Variants in FAM131C observed in about 807,000 individuals in gnomAD.
FAM131C encodes the protein protein FAM131C.
Under a neutral mutation model 29.8 loss-of-function variants are expected in FAM131C, and 14 were observed. The ratio of observed to expected loss-of-function variants is 0.47; its 90% CI spans 0.31 to 0.73. FAM131C has a LOEUF of 0.73. Among genes scored for constraint, FAM131C ranks in the 30% least tolerant of loss-of-function variants. The pLI, the probability that FAM131C is intolerant of heterozygous loss-of-function variation, is 0.05. For missense variants in FAM131C, 252 were observed against 383.8 expected, an observed-to-expected ratio of 0.66 and a Z score of 2.87; for synonymous variants, 86 against 157.8, an observed-to-expected ratio of 0.54 and a Z score of 3.41.
At position 16,062,505 on chromosome 1, in the gene FAM131C, A is replaced by G. The variant is rs547617337; in HGVS notation, c.168T>C (p.Pro56=). The G allele has an allele frequency of 5.7e-6, 9 of 1,583,902 alleles. No homozygotes were observed. In the South Asian group the frequency reaches 9.2e-5, roughly 16 times the overall value. ...GACACACAAGTGCACTGACCTGCCA[A>G]GGATCCCAACAGAAATCCATCTGTT... is the stretch of plus-strand genomic sequence containing the variant. The part of the protein sequence containing the change: ...KDKQMDFCWD[P]WQRCFQTTNG... Residue 56 remains proline (P), a synonymous_variant, in exon 3 of 7, where the codon CCT becomes CCC. Coordinates refer to ENST00000375662, the MANE Select transcript of FAM131C (RefSeq NM_182623.3).
rs374943695 is a variant in FAM131C, at chr1:16,059,926, C to T, written c.394G>A (p.Glu132Lys). ...GGGAGGCAGCAGTAATGCTCGTCCT[C>T]AGCTGGGGACAGCTCCCAGCCTGCC... is the stretch of plus-strand genomic sequence containing the variant. ...QPAGWELSPAEDEHYCCLPDE... is the reference protein window; with the variant it reads ...QPAGWELSPAKDEHYCCLPDE... The change falls in exon 5 of 7, where the codon GAG becomes AAG. Residue 132 changes from glutamate (E) to lysine (K), a missense_variant. Glu to Lys is a moderately conservative substitution (Grantham distance 56, BLOSUM62 1). This residue lies in a region of FAM131C where 38 missense variants were observed against 32.7 expected (regional missense o/e 1.16). Transcript: ENST00000375662. 90 of 1,539,720 alleles carry T rather than the reference C, an allele frequency of 5.8e-5. No homozygotes were observed. In the African/African-American group the frequency reaches 1.2e-3, roughly 21 times the overall value.
At chr1:16,065,573 T>C (rs1203836810) in intron 1 of FAM131C, among the ~76,000 whole-genome samples, 1 of 152,206 alleles carries the variant, frequency 6.6e-6, no homozygotes, top group Non-Finnish European at 1.5e-5. Context: ...TGTGGCTCTT[T>C]CTACAGGGGC....
In FAM131C at chr1:16,063,522, T is replaced by C. The variant is rs1349205439; in HGVS notation, c.137A>G (p.Lys46Arg). The C allele has an allele frequency of 6.2e-7, 1 of 1,612,334 alleles. No individual in the cohort carries two copies. The highest frequency in any genetic ancestry group is 1.7e-5 in the Admixed American group (1 of 59,988). The change falls in exon 2 of 7, where the codon AAG becomes AGG. Residue 46 changes from lysine (K) to arginine (R), a missense_variant and splice_region_variant. This residue lies in a region of FAM131C where 76 missense variants were observed against 62.8 expected (regional missense o/e 1.21). Coordinates refer to ENST00000375662, the MANE Select transcript of FAM131C (RefSeq NM_182623.3). Reference sequence around the variant, plus strand: ...CAGGGATGAGGAGCAGCCAGTTACCTTGCCAATGACACAGTCTGGAGCCAC... The same window carrying C: ...CAGGGATGAGGAGCAGCCAGTTACCCTGCCAATGACACAGTCTGGAGCCAC... ...PTVAPDCVIG[K>R]DKQMDFCWDP...
At chr1:16,068,995 A>G (rs79146102) in intron 1 of FAM131C, among the ~76,000 whole-genome samples, 2,291 of 152,274 alleles carry the variant, frequency 0.015, 43 homozygotes, top group African/African-American at 0.052. Flanking sequence ...TGTCTGTCCT[A>G]GGCCTGTTCA....
rs779648458 is a variant in FAM131C at position 16,063,523 on chromosome 1, T to C, written c.136A>G (p.Lys46Glu). The C allele has an allele frequency of 1.9e-5, 30 of 1,612,390 alleles. No homozygotes were observed. Among genetic ancestry groups the C allele is most frequent in the Non-Finnish European group, 2.5e-5 (29 of 1,178,764 alleles). ...AGGGATGAGGAGCAGCCAGTTACCTTGCCAATGACACAGTCTGGAGCCACG... is the reference window on the plus strand; with the variant it reads ...AGGGATGAGGAGCAGCCAGTTACCTCGCCAATGACACAGTCTGGAGCCACG... ...PTVAPDCVIGKDKQMDFCWDP... is the reference protein window; with the variant it reads ...PTVAPDCVIGEDKQMDFCWDP... Residue 46 changes from lysine to glutamate, a missense_variant and splice_region_variant, in exon 2 of 7, where the codon AAG becomes GAG. Around this residue, in one of 6 missense-constraint regions of FAM131C, gnomAD observed 76 missense variants for 62.8 expected, o/e 1.21. Coordinates refer to ENST00000375662, the MANE Select transcript of FAM131C (RefSeq NM_182623.3).
At position 16,059,939 on chromosome 1, in the gene FAM131C, C is replaced by A; in HGVS notation, c.381G>T (p.Glu127Asp). The A allele has an allele frequency of 6.4e-7, 1 of 1,568,250 alleles. No homozygotes were observed. The highest frequency in any genetic ancestry group is 8.6e-7 in the Non-Finnish European group (1 of 1,158,364). The change falls in exon 5 of 7, where the codon GAG becomes GAT. Residue 127 changes from glutamate to aspartate, a missense_variant. Coordinates refer to ENST00000375662, the MANE Select transcript of FAM131C (RefSeq NM_182623.3). ...KGWSAQPAGW[E>D]LSPAEDEHYC... ...AATGCTCGTCCTCAGCTGGGGACAGCTCCCAGCCTGCCGGCTGGGCACTCC... is the reference window on the plus strand; with the variant it reads ...AATGCTCGTCCTCAGCTGGGGACAGATCCCAGCCTGCCGGCTGGGCACTCC...
chr1:16,059,618 G>A lies in FAM131C; in HGVS notation c.452-14C>T, dbSNP rs763578435. 6.3e-6 allele frequency: 10 copies of A among 1,579,478 alleles called. No homozygotes were observed. Among genetic ancestry groups the A allele is most frequent in the South Asian group, 3.4e-5 (3 of 87,796 alleles). On this transcript the variant is annotated splice_polypyrimidine_tract_variant and intron_variant, in intron 5 of 6. Transcript: ENST00000375662. ...GCTCGGCGACCCCTGGGGGAACAGC[G>A]AGATCCAGCTCAGGGGGGCATGGGT...
chr1:16,061,061 G>C (rs534417502), intron 4 of FAM131C, among the ~76,000 whole-genome samples: 1 of 152,136 alleles, frequency 6.6e-6, no homozygotes, highest in Non-Finnish European at 1.5e-5. Context: ...ATAGATCTGG[G>C]AGTCACCCGG....
chr1:16,067,820 T>G (rs1215515298), intron 1 of FAM131C, among the ~76,000 whole-genome samples: 1 of 152,114 alleles, frequency 6.6e-6, no homozygotes, highest in Non-Finnish European at 1.5e-5. Flanking sequence ...CCCCTCAGGC[T>G]CCTCTCGTCT....
chr1:16,062,202 G>A lies in FAM131C; in HGVS notation c.175-10C>T. ...TGGTCTGGAAGCACCTCTGGAGGAA[G>A]TGGCAGGAGGAGTGAGCAGGGTGGG... On this transcript the variant is annotated splice_polypyrimidine_tract_variant and intron_variant, in intron 3 of 6. Transcript: ENST00000375662. 1 of 1,608,966 alleles carries A rather than the reference G, an allele frequency of 6.2e-7. No individual in the cohort carries two copies. Among genetic ancestry groups the A allele is most frequent in the Non-Finnish European group, 8.5e-7 (1 of 1,178,070 alleles).
intron 3 of FAM131C, 101 bp downstream of exon 3, chr1:16,062,398 C>CCCCCCCCCCCCCCCA: frequency 3.6e-6 from 5 of 1,390,284 alleles, no homozygotes; most frequent in Non-Finnish European, 4.8e-6. Context: ...CCCCCCCGCC[C>CCCCCCCCCCCCCCCA]CAGGGCCAGC....
Position 16,060,057 on chromosome 1 carries a change from G to A in FAM131C, c.269-6C>T. ...CTTGATGCTCTGCACCACCCCTGGG[G>A]CATGGAGGGCATCTGGGTGACTGTC... On this transcript the variant is annotated splice_region_variant and splice_polypyrimidine_tract_variant and intron_variant, in intron 4 of 6. Coordinates refer to ENST00000375662, the MANE Select transcript of FAM131C (RefSeq NM_182623.3). 7.3e-7 allele frequency: 1 copy of A among 1,372,690 alleles called. No homozygotes were observed. The highest frequency in any genetic ancestry group is 1.4e-5 in the South Asian group (1 of 72,796). 85.0% of individuals were successfully genotyped at this position (1,372,690 alleles called of 1,614,324 possible).
At position 16,064,242 on chromosome 1, in the gene FAM131C, C is replaced by G. The variant is rs114608057; in HGVS notation, c.23-606G>C. On this transcript the variant is annotated intron_variant, in intron 1 of 6. Coordinates refer to ENST00000375662, the MANE Select transcript of FAM131C (RefSeq NM_182623.3). ...TCCTTCTCAGACATGAAACACACCC[C>G]CTCCCCTACCCCACACACTGCTGGG... Among the ~76,000 whole-genome samples, 487 of 152,310 alleles carry G rather than the reference C, an allele frequency of 3.2e-3. 3 individuals are homozygous for G. Among genetic ancestry groups the G allele is most frequent in the African/African-American group, 0.011 (455 of 41,562 alleles).
At chr1:16,072,587 C>T (rs1279594101) in intron 1 of FAM131C, among the ~76,000 whole-genome samples, 1 of 152,192 alleles carries the variant, frequency 6.6e-6, no homozygotes, top group East Asian at 1.9e-4. Flanking sequence ...GCCCAACAGC[C>T]TGTTGGAAAG....
chr1:16,065,647 A>G (rs1302519813), intron 1 of FAM131C, among the ~76,000 whole-genome samples: 1 of 152,218 alleles, frequency 6.6e-6, no homozygotes, highest in Non-Finnish European at 1.5e-5. Flanking sequence ...TACCAGGTGC[A>G]GAACCCCAGC....
rs573309632 is a variant in FAM131C, at chr1:16,072,714, C to T, written c.22+707G>A. 3.1e-4 allele frequency among the ~76,000 whole-genome samples: 47 copies of T among 152,200 alleles called. 1 individual carries two copies. The highest frequency in any genetic ancestry group is 1.1e-3 in the African/African-American group (46 of 41,530). On this transcript the variant is annotated intron_variant, in intron 1 of 6. Transcript: ENST00000375662. ...CACAGATAGAAGAGGCTGGGGCCTGCCCTGGGCCCCCAGGCAAGGGCAGGT... is the reference window on the plus strand; with the variant it reads ...CACAGATAGAAGAGGCTGGGGCCTGTCCTGGGCCCCCAGGCAAGGGCAGGT...
At chr1:16,070,170 T>G (rs899239588) in intron 1 of FAM131C, among the ~76,000 whole-genome samples, 1 of 152,218 alleles carries the variant, frequency 6.6e-6, no homozygotes, top group Non-Finnish European at 1.5e-5. Context: ...CCATGTGACC[T>G]GAGGGAAGAC....
intron 3 of FAM131C, 91 bp downstream of exon 3, chr1:16,062,408 C>G: frequency 7.7e-7 from 1 of 1,307,066 alleles, no homozygotes; most frequent in Non-Finnish European, 1.0e-6. Flanking sequence ...CCAGGGCCAG[C>G]AGGACTGTGT....
intron 1 of FAM131C, among the ~76,000 whole-genome samples, chr1:16,072,418 G>T (rs919156092): frequency 6.6e-6 from 1 of 152,174 alleles, no homozygotes; most frequent in Non-Finnish European, 1.5e-5. Flanking sequence ...TACTAGGGGT[G>T]ATGGGTGTGG....
Sources: allele counts gnomAD v4.1 joint callset (sites outside exome capture counted in the v4.1 genomes callset), GRCh38; gene constraint gnomAD v4.1.1; regional missense constraint gnomAD v4.1.1; transcripts MANE v1.5; gene names NCBI Gene and HGNC (gene_info 2026-07-23, HGNC 2026-07-21).